UNC13C: variants seen among roughly 807,000 people sequenced by gnomAD.
UNC13C encodes protein unc-13 homolog C.
A neutral mutation model predicts 245.4 loss-of-function variants in UNC13C; 174 were observed. That is an observed-to-expected ratio of 0.71 (90% CI 0.63 to 0.80). The LOEUF (loss-of-function observed/expected upper bound fraction) is 0.80, where lower values mean the gene tolerates loss of function less well. Ranked by LOEUF, UNC13C falls within the 30% of genes least tolerant of loss-of-function variation. The pLI is 0.00. For synonymous variants in UNC13C, 992 were observed against 895.1 expected (o/e 1.11, Z -1.93); for missense variants, 2,829 against 2,602.9 (o/e 1.09, Z -1.89).
At chr15:54,103,444 T>A (rs1472367905) in intron 2 of UNC13C, among the ~76,000 whole-genome samples, 1 of 152,216 alleles carries the variant, frequency 6.6e-6, no homozygotes, top group Non-Finnish European at 1.5e-5. Flanking sequence ...TAGCTGGTCA[T>A]ATGTACAAAG....
intron 4 of UNC13C, among the ~76,000 whole-genome samples, chr15:54,232,895 C>G (rs994259550): frequency 6.6e-6 from 1 of 152,034 alleles, no homozygotes; most frequent in Non-Finnish European, 1.5e-5. Context: ...TTCACTTAGC[C>G]TTTTTCCATG....
rs566156886 is a variant in UNC13C, at chr15:54,142,925, CAT to C, written c.2984-90_2984-89del. 4.1e-4 allele frequency: 441 copies of C among 1,069,408 alleles called. 1 individual carries two copies. Among genetic ancestry groups the C allele is most frequent in the Non-Finnish European group, 5.9e-4 (416 of 700,570 alleles). 66.2% of individuals were successfully genotyped at this position (1,069,408 alleles called of 1,614,324 possible). On this transcript the variant is annotated intron_variant, in intron 2 of 32. Coordinates refer to ENST00000260323, the MANE Select transcript of UNC13C (RefSeq NM_001080534.3). ...TTATTTATAATTTTAAACAATGTAA[CAT>C]ATTAACACTCTGTTCATGTATATGT...
intron 2 of UNC13C, among the ~76,000 whole-genome samples, chr15:54,114,767 T>G (rs550504021): frequency 1.6e-4 from 25 of 152,222 alleles, no homozygotes; most frequent in Non-Finnish European, 3.5e-4. Context: ...TTGCTATTTA[T>G]TTCTTCAGAA....
At chr15:54,433,209 A>G (rs1410208227) in intron 19 of UNC13C, among the ~76,000 whole-genome samples, 1 of 152,122 alleles carries the variant, frequency 6.6e-6, no homozygotes, top group Non-Finnish European at 1.5e-5. Flanking sequence ...CAATAGAAAA[A>G]GAGATTCCTC....
intron 19 of UNC13C, among the ~76,000 whole-genome samples, chr15:54,424,244 TA>T (rs893869242): frequency 1.3e-5 from 2 of 151,844 alleles, no homozygotes; most frequent in Admixed American, 6.6e-5. Flanking sequence ...AATATTTCGG[TA>T]AAAAAATCTG....
At chr15:53,999,710 G>T (rs1894797484) in intron 1 of UNC13C, among the ~76,000 whole-genome samples, 1 of 150,680 alleles carries the variant, frequency 6.6e-6, no homozygotes, top group Non-Finnish European at 1.5e-5. Flanking sequence ...ACTGCCTTTA[G>T]CTGTGTCCCA....
chr15:54,486,098 G>C (rs1416386501), intron 19 of UNC13C, among the ~76,000 whole-genome samples: 1 of 151,954 alleles, frequency 6.6e-6, no homozygotes, highest in Non-Finnish European at 1.5e-5. Context: ...TTTCTTTGCT[G>C]TATTTCCTGT....
chr15:53,846,906 C>T, the UNC13C span, among the ~76,000 whole-genome samples: 90 of 152,190 alleles, frequency 5.9e-4, no homozygotes, highest in South Asian at 1.5e-3. Flanking sequence ...AGCAAAGCTC[C>T]GTGACTGTGA....
At chr15:54,405,822 G>T in intron 18 of UNC13C, among the ~76,000 whole-genome samples, 1 of 151,994 alleles carries the variant, frequency 6.6e-6, no homozygotes, top group East Asian at 1.9e-4. Flanking sequence ...ATAAAGAATT[G>T]TTTGGGAAAC....
rs1897155891 is a variant in UNC13C at position 54,048,911 on chromosome 15, A to G, written c.2983+33025A>G. 6 of 266,938 alleles carry G rather than the reference A, an allele frequency of 2.2e-5. No individual in the cohort carries two copies. In the Admixed American group the frequency reaches 2.6e-4, roughly 12 times the overall value. 16.5% of individuals were successfully genotyped at this position (266,938 alleles called of 1,614,324 possible). A position where few individuals can be genotyped will look rare whatever the true frequency, so the allele number is the denominator to read the frequency against. On this transcript the variant is annotated intron_variant, in intron 2 of 32. Coordinates refer to ENST00000260323, the MANE Select transcript of UNC13C (RefSeq NM_001080534.3). ...CACTGTCCACATAAACCATATTGGA[A>G]TAATACCACACTGTAAATTGAGTAT... is the stretch of plus-strand genomic sequence containing the variant.
intron 29 of UNC13C, among the ~76,000 whole-genome samples, chr15:54,565,010 C>G (rs1254467871): frequency 1.3e-5 from 2 of 151,900 alleles, no homozygotes; most frequent in Non-Finnish European, 2.9e-5. Flanking sequence ...TGGGATTGTC[C>G]TCTGTCTCTA....
chr15:54,382,632 C>T (rs2039752024), intron 17 of UNC13C, among the ~76,000 whole-genome samples: 1 of 151,228 alleles, frequency 6.6e-6, no homozygotes, highest in Non-Finnish European at 1.5e-5. Flanking sequence ...TTCAAATAGT[C>T]TCATTGTACA....
At chr15:53,870,935 C>T in the UNC13C span, among the ~76,000 whole-genome samples, 1 of 151,998 alleles carries the variant, frequency 6.6e-6, no homozygotes, top group Admixed American at 6.5e-5. Flanking sequence ...GCCCAGTGCC[C>T]TTGACAATAG....
At chr15:54,299,315 G>C (rs2037515084) in intron 12 of UNC13C, among the ~76,000 whole-genome samples, 1 of 152,124 alleles carries the variant, frequency 6.6e-6, no homozygotes, top group African/African-American at 2.4e-5. Context: ...ATTGAGAGTA[G>C]TAATTTTATT....
intron 2 of UNC13C, among the ~76,000 whole-genome samples, chr15:54,041,787 A>C (rs1283038648): frequency 1.3e-5 from 2 of 152,240 alleles, no homozygotes; most frequent in African/African-American, 4.8e-5. Context: ...CTGGTACATA[A>C]TAAATGCTAT....
At chr15:54,152,692 G>T (rs2032573714) in intron 4 of UNC13C, among the ~76,000 whole-genome samples, 1 of 152,150 alleles carries the variant, frequency 6.6e-6, no homozygotes, top group South Asian at 2.1e-4. Context: ...ATAATCACTT[G>T]TGTTAGAAAA....
intron 4 of UNC13C, among the ~76,000 whole-genome samples, chr15:54,178,037 T>TA (rs1258165601): frequency 6.6e-6 from 1 of 152,192 alleles, no homozygotes; most frequent in African/African-American, 2.4e-5. Context: ...AAAAACACTA[T>TA]ACCCTACTTT....
At chr15:54,228,633 G>A (rs2035462664) in intron 4 of UNC13C, among the ~76,000 whole-genome samples, 2 of 152,168 alleles carry the variant, frequency 1.3e-5, no homozygotes, top group African/African-American at 2.4e-5. Flanking sequence ...GGCCTAGGGT[G>A]TGCCTAGAAC....
the UNC13C span, among the ~76,000 whole-genome samples, chr15:53,899,693 TG>T: frequency 3.3e-5 from 5 of 152,026 alleles, no homozygotes; most frequent in Non-Finnish European, 7.4e-5. Flanking sequence ...GCCTCCCGAG[TG>T]GCTGCTATTA....
Sources: gnomAD v4.1 joint callset for allele counts (sites outside exome capture counted in the v4.1 genomes callset) on GRCh38, gnomAD v4.1.1 for gene constraint, MANE v1.5 for transcripts, NCBI Gene and HGNC (gene_info 2026-07-23, HGNC 2026-07-21) for gene names.